DLGAP2: variants seen among roughly 807,000 people sequenced by gnomAD.
DLGAP2 encodes disks large-associated protein 2.
A neutral mutation model predicts 100.3 loss-of-function variants in DLGAP2; 26 were observed. That is an observed-to-expected ratio of 0.26 (90% CI 0.19 to 0.36). The LOEUF (loss-of-function observed/expected upper bound fraction) is 0.36. Among genes scored for constraint, DLGAP2 ranks in the 10% least tolerant of loss-of-function variants. The pLI is 1.00. For missense variants in DLGAP2, 1,858 were observed against 1,453.2 expected (o/e 1.28, Z -4.53); for synonymous variants, 886 against 630.1 (o/e 1.41, Z -6.08).
At chr8:1,201,453 G>C (rs1321682419) in intron 2 of DLGAP2, among the ~76,000 whole-genome samples, 2 of 152,178 alleles carry the variant, frequency 1.3e-5, no homozygotes, top group African/African-American at 4.8e-5. Context: ...GACCTGGAAG[G>C]GGAGGAAGAT....
Position 1,685,353 on chromosome 8 carries a change from C to T in DLGAP2, c.2705-6182C>T, listed in dbSNP as rs192924037. ...ATTGAGGAATCAGAAATACTGATGA[C>T]GTTCTGAGCACAGCAGATGCCTGTG... On this transcript the variant is annotated intron_variant, in intron 12 of 14. Transcript: ENST00000637795. Among the ~76,000 whole-genome samples the T allele has an allele frequency of 1.2e-3, 183 of 152,290 alleles. 1 individual carries two copies. Among genetic ancestry groups the T allele is most frequent in the South Asian group, 4.8e-3 (23 of 4,826 alleles).
chr8:1,699,789 G>A (rs1393568594), intron 14 of DLGAP2, among the ~76,000 whole-genome samples: 2 of 152,150 alleles, frequency 1.3e-5, no homozygotes, highest in African/African-American at 4.8e-5. Flanking sequence ...AGCATCTGCT[G>A]GACACTCCTA....
intron 1 of DLGAP2, among the ~76,000 whole-genome samples, chr8:860,086 A>G (rs1339108358): frequency 6.6e-6 from 1 of 152,232 alleles, no homozygotes. Flanking sequence ...TTCCAAATTA[A>G]AGAAATAAGA....
chr8:1,517,834 G>C (rs1016391249), intron 4 of DLGAP2, among the ~76,000 whole-genome samples: 1 of 152,194 alleles, frequency 6.6e-6, no homozygotes, highest in African/African-American at 2.4e-5. Context: ...CAAGACATTG[G>C]CATGATAGTG....
At chr8:975,701 T>C (rs747481692) in intron 2 of DLGAP2, among the ~76,000 whole-genome samples, 3 of 152,146 alleles carry the variant, frequency 2.0e-5, no homozygotes, top group Non-Finnish European at 2.9e-5. Flanking sequence ...TAAAACTCTC[T>C]ACAAAATAAG....
chr8:996,813 C>T (rs959201764), intron 2 of DLGAP2, among the ~76,000 whole-genome samples: 1 of 152,188 alleles, frequency 6.6e-6, no homozygotes, highest in African/African-American at 2.4e-5. Context: ...GCGTGGCAGA[C>T]ATCTATCTAA....
At chr8:1,224,213 A>G (rs1585166693) in intron 2 of DLGAP2, among the ~76,000 whole-genome samples, 1 of 152,230 alleles carries the variant, frequency 6.6e-6, no homozygotes, top group East Asian at 1.9e-4. Context: ...TTTAGCATTT[A>G]CCTGGCATTC....
chr8:1,102,319 A>G (rs989835295), intron 2 of DLGAP2, among the ~76,000 whole-genome samples: 1 of 147,434 alleles, frequency 6.8e-6, no homozygotes, highest in Non-Finnish European at 1.5e-5. Flanking sequence ...TTACATAATA[A>G]TATATATAAA....
At chr8:833,290 T>G (rs1311980429) in intron 1 of DLGAP2, among the ~76,000 whole-genome samples, 2 of 152,158 alleles carry the variant, frequency 1.3e-5, no homozygotes, top group East Asian at 3.8e-4. Context: ...CTGTAACAAA[T>G]TACCACACAC....
chr8:1,203,681 T>C (rs1255413168), intron 2 of DLGAP2, among the ~76,000 whole-genome samples: 1 of 152,224 alleles, frequency 6.6e-6, no homozygotes. Context: ...ACTGAGTTTA[T>C]AGAAATCCCC....
intron 2 of DLGAP2, among the ~76,000 whole-genome samples, chr8:939,041 G>C (rs564890923): frequency 6.6e-6 from 1 of 152,362 alleles, no homozygotes; most frequent in African/African-American, 2.4e-5. Flanking sequence ...CAGAAAGCGG[G>C]ATCACGGCCC....
intron 2 of DLGAP2, among the ~76,000 whole-genome samples, chr8:963,775 C>A (rs1392235621): frequency 6.6e-6 from 1 of 152,120 alleles, no homozygotes; most frequent in Admixed American, 6.5e-5. Context: ...CATTTATGAA[C>A]AGTAGGAATT....
chr8:1,525,984 G>A (rs56079817), intron 4 of DLGAP2, among the ~76,000 whole-genome samples: 10,497 of 152,040 alleles, frequency 0.069, 420 homozygotes, highest in Middle Eastern at 0.15. Context: ...TGGAATGGGG[G>A]ACATTTGCAT....
At chr8:905,161 A>G (rs1798352316) in intron 1 of DLGAP2, among the ~76,000 whole-genome samples, 1 of 152,140 alleles carries the variant, frequency 6.6e-6, no homozygotes, top group African/African-American at 2.4e-5. Context: ...TGGATCCTCA[A>G]GTATAAAGAG....
intron 3 of DLGAP2, among the ~76,000 whole-genome samples, chr8:1,370,306 C>T (rs942987611): frequency 6.6e-6 from 1 of 152,138 alleles, no homozygotes; most frequent in African/African-American, 2.4e-5. Context: ...GCAGCAGTCA[C>T]ACGGCGTGAT....
chr8:1,454,153 G>A (rs1216096468), intron 3 of DLGAP2, among the ~76,000 whole-genome samples: 1 of 152,194 alleles, frequency 6.6e-6, no homozygotes, highest in East Asian at 1.9e-4. Flanking sequence ...TGGGGTTCGG[G>A]TCTTCGCAAA....
chr8:1,586,387 C>G (rs991734837), intron 6 of DLGAP2, among the ~76,000 whole-genome samples: 1 of 152,246 alleles, frequency 6.6e-6, no homozygotes, highest in African/African-American at 2.4e-5. Flanking sequence ...TCAGAGCCAG[C>G]TGGACGGGGT....
In DLGAP2 at chr8:783,127, C is replaced by G. The variant is rs115916455; in HGVS notation, c.18+45302C>G. ...ACAGATAATGTGACCAACACAAGGTCTGTAACCTTTCCTACTGTAAAACTT... is the reference window on the plus strand; with the variant it reads ...ACAGATAATGTGACCAACACAAGGTGTGTAACCTTTCCTACTGTAAAACTT... On this transcript the variant is annotated intron_variant, in intron 1 of 14. Coordinates refer to ENST00000637795, the MANE Select transcript of DLGAP2 (RefSeq NM_001346810.2). Among the ~76,000 whole-genome samples the G allele has an allele frequency of 5.6e-3, 860 of 152,324 alleles. 7 individuals carry two copies. The highest frequency in any genetic ancestry group is 0.02 in the African/African-American group (821 of 41,574).
chr8:1,289,260 C>G (rs1269707848), intron 3 of DLGAP2, among the ~76,000 whole-genome samples: 1 of 152,170 alleles, frequency 6.6e-6, no homozygotes, highest in African/African-American at 2.4e-5. Context: ...AGTAAGTTTG[C>G]TATAGGATTG....
Sources: allele counts gnomAD v4.1 joint callset (sites outside exome capture counted in the v4.1 genomes callset), GRCh38; gene constraint gnomAD v4.1.1; transcripts MANE v1.5; gene names NCBI Gene and HGNC (gene_info 2026-07-23, HGNC 2026-07-21).